Variants in RNF31 observed in about 807,000 individuals in gnomAD.
RNF31 encodes ring finger protein 31, also known as E3 ubiquitin-protein ligase RNF31.
RNF31 carries 38 observed loss-of-function variants against 133.6 expected under a neutral mutation model. That is an observed-to-expected ratio of 0.28 (90% CI 0.22 to 0.37). The LOEUF (loss-of-function observed/expected upper bound fraction) is 0.37, where lower values mean the gene tolerates loss of function less well. Among genes scored for constraint, RNF31 ranks in the 10% least tolerant of loss-of-function variants. The pLI is 1.00. For missense variants in RNF31, 1,118 were observed against 1,394.1 expected (o/e 0.80, Z 3.15); for synonymous variants, 582 against 552.3 (o/e 1.05, Z -0.75).
In RNF31 at chr14:24,157,508, T is replaced by C; in HGVS notation, c.2609-12T>C. On this transcript the variant is annotated splice_polypyrimidine_tract_variant and intron_variant, in intron 15 of 20. Transcript: ENST00000324103. Reference sequence around the variant, plus strand: ...AGCGGCAGCTCCAGCCCTGACCTCTTGTCCTTTGCAGACTGCCCCAAATGC... The same window carrying C: ...AGCGGCAGCTCCAGCCCTGACCTCTCGTCCTTTGCAGACTGCCCCAAATGC... The C allele has an allele frequency of 6.2e-7, 1 of 1,613,478 alleles. No individual in the cohort carries two copies. Among genetic ancestry groups the C allele is most frequent in the Non-Finnish European group, 8.5e-7 (1 of 1,179,338 alleles).
At chr14:24,146,901 G>T (rs2038172927), upstream of RNF31, 1 of 479,906 alleles carries the variant, frequency 2.1e-6, no homozygotes, top group Non-Finnish European at 3.8e-6. Context: ...GGAAGTCCAG[G>T]GTTGGGGTAA....
chr14:24,152,272 G>A (rs111312821), intron 11 of RNF31, among the ~76,000 whole-genome samples: 3 of 152,154 alleles, frequency 2.0e-5, no homozygotes, highest in African/African-American at 7.2e-5. Context: ...CAGTGTATTT[G>A]TCATCAAGCT....
Position 24,160,230 on chromosome 14 carries a change from T to C in RNF31, c.2997-9T>C. On this transcript the variant is annotated splice_polypyrimidine_tract_variant and intron_variant, in intron 19 of 20. Transcript: ENST00000324103. This position sits in a 1 kb window ranked among gnomAD's most constrained non-coding sequence, Gnocchi z 4.0. ...ACACAACAAATATTCTGCTCCCTTT[T>C]CTCCCCAGGGCACACTACAAAGAGT... is the stretch of plus-strand genomic sequence containing the variant. The C allele has an allele frequency of 6.2e-7, 1 of 1,606,260 alleles. No individual in the cohort carries two copies. Among genetic ancestry groups the C allele is most frequent in the Non-Finnish European group, 8.5e-7 (1 of 1,175,368 alleles).
At position 24,151,462 on chromosome 14, in the gene RNF31, C is replaced by T; in HGVS notation, c.1738-23C>T. The T allele has an allele frequency of 6.2e-7, 1 of 1,613,770 alleles. No individual in the cohort carries two copies. The highest frequency in any genetic ancestry group is 2.2e-5 in the East Asian group (1 of 44,870). ...CTTGCTTGCTTTCCCACTTCATTCC[C>T]CCTTGCCACTCCCATCTTGCAGGTG... On this transcript the variant is annotated intron_variant, in intron 9 of 20. Coordinates refer to ENST00000324103, the MANE Select transcript of RNF31 (RefSeq NM_017999.5). The surrounding 1 kb of genome is among the most constrained non-coding windows in gnomAD (Gnocchi z 5.3).
rs2038425914 is a variant in RNF31 at position 24,160,274 on chromosome 14, A to G, written c.3032A>G (p.Asn1011Ser). 6.8e-6 allele frequency: 11 copies of G among 1,614,100 alleles called. No homozygotes were observed. The highest frequency in any genetic ancestry group is 9.3e-6 in the Non-Finnish European group (11 of 1,180,022). Residue 1011 changes from asparagine (N) to serine (S), a missense_variant, in exon 20 of 21, where the codon AAT becomes AGT. Physicochemically the swap from Asn to Ser is conservative, Grantham distance 46 (BLOSUM62 1). Transcript: ENST00000324103. This position sits in a 1 kb window ranked among gnomAD's most constrained non-coding sequence, Gnocchi z 4.0. ...HYKEYLVSLI[N>S]AHSLDPATLY... ...AAAGAGTATCTTGTGAGCCTCATCA[A>G]TGCCCACTCGCTGGACCCAGCCACC... is the stretch of plus-strand genomic sequence containing the variant.
At chr14:24,152,103 T>C in intron 11 of RNF31, 111 bp downstream of exon 11, 1 of 1,097,146 alleles carries the variant, frequency 9.1e-7, no homozygotes, top group Non-Finnish European at 1.3e-6. Context: ...GTTGCCCATA[T>C]ACCCCTGAAG....
At position 24,159,897 on chromosome 14, in the gene RNF31, C is replaced by T; in HGVS notation, c.2933C>T (p.Pro978Leu). 6.2e-7 allele frequency: 1 copy of T among 1,614,166 alleles called. No individual in the cohort carries two copies. The highest frequency in any genetic ancestry group is 8.5e-7 in the Non-Finnish European group (1 of 1,180,048). The change falls in exon 19 of 21, where the codon CCC becomes CTC. Residue 978 changes from proline (P) to leucine (L), a missense_variant. By Grantham distance (98) the Pro-to-Leu change is moderately conservative. Transcript: ENST00000324103. ...GCRVIEQKEV[P>L]NGLRDEACGK... is the part of the protein sequence containing the mutation. ...CGAGTGATAGAGCAGAAGGAGGTTC[C>T]CAATGGGCTCAGGGACGAAGCTTGT...
chr14:24,148,364 T>G lies in RNF31; in HGVS notation c.446T>G (p.Val149Gly). Reference sequence around the variant, plus strand: ...CCAGATGAGCACCAGGTTGCTACAGTCACACTGGAAGTACTGCTGCTTCGG... The same window carrying G: ...CCAGATGAGCACCAGGTTGCTACAGGCACACTGGAAGTACTGCTGCTTCGG... ...EEPDEHQVAT[V>G]TLEVLLLRTE... Residue 149 changes from valine (V) to glycine (G), a missense_variant, in exon 3 of 21, where the codon GTC (valine) becomes GGC (glycine). Physicochemically the swap from Val to Gly is moderately radical, Grantham distance 109. Coordinates refer to ENST00000324103, the MANE Select transcript of RNF31 (RefSeq NM_017999.5). 6.2e-7 allele frequency: 1 copy of G among 1,614,158 alleles called. No homozygotes were observed. Among genetic ancestry groups the G allele is most frequent in the Non-Finnish European group, 8.5e-7 (1 of 1,180,000 alleles).
chr14:24,151,630 G>T lies in RNF31; in HGVS notation c.1883G>T (p.Gly628Val). The T allele has an allele frequency of 6.2e-7, 1 of 1,612,664 alleles. No individual in the cohort carries two copies. Among genetic ancestry groups the T allele is most frequent in the Non-Finnish European group, 8.5e-7 (1 of 1,180,002 alleles). ...EPFRQRLWDS[G>V]PEPTPSWDGP... Reference sequence around the variant, plus strand: ...TTCCGCCAGCGCCTCTGGGACAGTGGCCCTGAGCCCACCCCTTCCTGGGAT... The same window carrying T: ...TTCCGCCAGCGCCTCTGGGACAGTGTCCCTGAGCCCACCCCTTCCTGGGAT... The change falls in exon 10 of 21, where the codon GGC becomes GTC. Residue 628 changes from glycine to valine, a missense_variant. By Grantham distance (109) the Gly-to-Val change is moderately radical (BLOSUM62 -3). Around this residue, in one of 3 missense-constraint regions of RNF31, gnomAD observed 747 missense variants for 827.9 expected, o/e 0.90. Transcript: ENST00000324103. The surrounding 1 kb of genome is among the most constrained non-coding windows in gnomAD (Gnocchi z 5.3).
intron 5 of RNF31, 111 bp downstream of exon 5, chr14:24,148,987 G>A (rs2038221600): frequency 9.5e-7 from 1 of 1,057,092 alleles, no homozygotes; most frequent in Non-Finnish European, 1.5e-6. Context: ...TTTTGAGACG[G>A]AGTTTTGCTC....
intron 11 of RNF31, chr14:24,154,872 T>G: frequency 4.6e-6 from 2 of 438,018 alleles, no homozygotes; most frequent in Non-Finnish European, 8.3e-6. Flanking sequence ...TCCACCTCTA[T>G]AGTTTTGTCA....
rs201497992 is a variant in RNF31 at position 24,157,910 on chromosome 14, C to T, written c.2740C>T (p.Pro914Ser). 1.2e-4 allele frequency: 189 copies of T among 1,613,864 alleles called. No individual in the cohort carries two copies. In the East Asian group the frequency reaches 1.5e-3, roughly 13 times the overall value. Residue 914 changes from proline (P) to serine (S), a missense_variant, in exon 17 of 21, where the codon CCT becomes TCT. This residue lies in a region of RNF31 where 201 missense variants were observed against 371.7 expected (regional missense o/e 0.54). Transcript: ENST00000324103. The part of the protein sequence containing the change: ...AFYAKNKCPE[P>S]NCRVKKSLHG... ...GGGTTTCTGCCAGAAATGTCCAGAG[C>T]CTAACTGCAGGGTGAAAAAGTCCCT...
intron 5 of RNF31, 77 bp downstream of exon 5, chr14:24,148,953 G>T: frequency 8.2e-7 from 1 of 1,222,620 alleles, no homozygotes. Flanking sequence ...TGTCTTCTTG[G>T]TTATCTTCCT....
intron 11 of RNF31, among the ~76,000 whole-genome samples, 155 bp downstream of exon 11, chr14:24,152,147 T>C (rs981826819): frequency 1.3e-5 from 2 of 152,258 alleles, no homozygotes; most frequent in South Asian, 4.1e-4. Flanking sequence ...AACAGGCTTA[T>C]CTCCTCCCTT....
In RNF31 at chr14:24,149,598, C is replaced by T. The variant is rs763436264; in HGVS notation, c.809+15C>T. ...CTGAGCCCCAGGTGAGAGGGCTTCTCTTCTGGGTGGGAGTGAAATTTAGAG... is the reference window on the plus strand; with the variant it reads ...CTGAGCCCCAGGTGAGAGGGCTTCTTTTCTGGGTGGGAGTGAAATTTAGAG... On this transcript the variant is annotated intron_variant, in intron 6 of 20. Transcript: ENST00000324103. 2 of 1,604,304 alleles carry T rather than the reference C, an allele frequency of 1.2e-6. No homozygotes were observed. Among genetic ancestry groups the T allele is most frequent in the Non-Finnish European group, 1.7e-6 (2 of 1,175,280 alleles).
chr14:24,150,466 C>G lies in RNF31; in HGVS notation c.1197+18C>G. On this transcript the variant is annotated intron_variant, in intron 7 of 20. Transcript: ENST00000324103. ...CCCTTCAGGTAACTGGCCTTCCCAG[C>G]TCTTTATCGTGTGTTACCTCAGGCA... 1 of 1,598,636 alleles carries G rather than the reference C, an allele frequency of 6.3e-7. No individual in the cohort carries two copies. Among genetic ancestry groups the G allele is most frequent in the African/African-American group, 1.3e-5 (1 of 74,746 alleles).
Position 24,160,206 on chromosome 14 carries a change from C to T in RNF31, c.2997-33C>T. 6.3e-7 allele frequency: 1 copy of T among 1,593,216 alleles called. No individual in the cohort carries two copies. Among genetic ancestry groups the T allele is most frequent in the Non-Finnish European group, 8.6e-7 (1 of 1,169,294 alleles). On this transcript the variant is annotated intron_variant, in intron 19 of 20. Transcript: ENST00000324103. This position sits in a 1 kb window ranked among gnomAD's most constrained non-coding sequence, Gnocchi z 4.0. The stretch of plus-strand genomic sequence containing the variant: ...GACACACTCAGTTAATATTAGCCAA[C>T]ACAACAAATATTCTGCTCCCTTTTC...
At chr14:24,156,636 G>A (rs182905465) in intron 14 of RNF31, among the ~76,000 whole-genome samples, 9 of 152,154 alleles carry the variant, frequency 5.9e-5, no homozygotes, top group Admixed American at 2.6e-4. Context: ...AAAATTAGCC[G>A]GGTGTGGTGG....
rs1402118072 is a variant in RNF31 at position 24,150,081 on chromosome 14, C to T, written c.830C>T (p.Pro277Leu). 1.3e-6 allele frequency: 2 copies of T among 1,589,496 alleles called. No homozygotes were observed. The highest frequency in any genetic ancestry group is 1.7e-6 in the Non-Finnish European group (2 of 1,165,470). ...TACAGTTTACCTGCCTCAGCCCAAC[C>T]ACGGCCCCAGTCGACCTCCCTGCTG... ...LSPSLPASAQPRPQSTSLLAL... is the reference protein window; with the variant it reads ...LSPSLPASAQLRPQSTSLLAL... The change falls in exon 7 of 21, where the codon CCA (proline) becomes CTA (leucine). Residue 277 changes from proline (P) to leucine (L), a missense_variant. By Grantham distance (98) the Pro-to-Leu change is moderately conservative. Transcript: ENST00000324103.
Sources: gnomAD v4.1 joint callset for allele counts (sites outside exome capture counted in the v4.1 genomes callset) on GRCh38, gnomAD v4.1.1 for gene constraint, gnomAD v4.1.1 regional missense constraint, Gnocchi (gnomAD v3.1) non-coding constraint, MANE v1.5 for transcripts, NCBI Gene and HGNC (gene_info 2026-07-23, HGNC 2026-07-21) for gene names.